UBE2V2: variants seen among roughly 807,000 people sequenced by gnomAD.
The protein encoded by UBE2V2 is ubiquitin-conjugating enzyme E2 variant 2.
In UBE2V2, 9 loss-of-function variants were observed where a neutral mutation model predicts 17.2. The ratio of observed to expected loss-of-function variants is 0.52; its 90% confidence interval spans 0.32 to 0.91. UBE2V2 has a LOEUF of 0.91. Ranked by LOEUF, UBE2V2 falls within the 40% of genes least tolerant of loss-of-function variation. UBE2V2 has a pLI of 0.04. For synonymous variants in UBE2V2, 61 were observed against 57.5 expected (o/e 1.06, Z -0.28); for missense variants, 133 against 182.6 (o/e 0.73, Z 1.56).
At chr8:47,997,604 G>T in the UBE2V2 span, among the ~76,000 whole-genome samples, 3 of 152,098 alleles carry the variant, frequency 2.0e-5, no homozygotes, top group Non-Finnish European at 2.9e-5. Flanking sequence ...GTGTCGGGAT[G>T]GGAGGACAAG....
the UBE2V2 span, among the ~76,000 whole-genome samples, chr8:48,000,803 C>A: frequency 8.4e-5 from 9 of 107,638 alleles, no homozygotes; most frequent in African/African-American, 3.4e-4. Flanking sequence ...GCCTGGGCAA[C>A]AGAGGGAGAC....
In UBE2V2 at chr8:48,064,335, C is replaced by G. The variant is rs555878267; in HGVS notation, c.*3507C>G. ...GCTTTTAATTATTGTCACACACACA[C>G]AAAATTCAACTCCTCAAGGTTTGGG... is the stretch of plus-strand genomic sequence containing the variant. On this transcript the variant is annotated 3_prime_UTR_variant, in exon 4 of 4. Coordinates refer to ENST00000523111, the MANE Select transcript of UBE2V2 (RefSeq NM_003350.3). The G allele has an allele frequency of 1.3e-5, 2 of 152,180 alleles. No homozygotes were observed. The highest frequency in any genetic ancestry group is 4.1e-4 in the South Asian group (2 of 4,820). The allele number at this position is 152,180 out of a possible 1,614,324, so 9.4% of individuals were successfully genotyped here.
chr8:48,023,326 C>T (rs980974156), intron 1 of UBE2V2, among the ~76,000 whole-genome samples: 1 of 151,868 alleles, frequency 6.6e-6, no homozygotes, highest in Admixed American at 6.6e-5. Context: ...AGTGATTCTC[C>T]TGCCTCAGCC....
intron 3 of UBE2V2, among the ~76,000 whole-genome samples, chr8:48,057,508 G>C (rs2091580970): frequency 6.6e-6 from 1 of 152,048 alleles, no homozygotes; most frequent in African/African-American, 2.4e-5. Context: ...TTGCCATGTT[G>C]GCCAGGCTGG....
At chr8:48,047,952 ATTTT>A (rs1389488654) in intron 2 of UBE2V2, among the ~76,000 whole-genome samples, 1 of 148,472 alleles carries the variant, frequency 6.7e-6, no homozygotes, top group African/African-American at 2.5e-5. Flanking sequence ...TTGGGATTAA[ATTTT>A]TTTTTGTTTA....
At position 48,035,209 on chromosome 8, in the gene UBE2V2, G is replaced by A. The variant is rs1028941596; in HGVS notation, c.17-7824G>A. ...CAGCTCACTGCTACTTCTGCCTCCC[G>A]GGTTCAAGCAATTCTCATGTCTCAG... On this transcript the variant is annotated intron_variant, in intron 1 of 3. Transcript: ENST00000523111. 5.8e-6 allele frequency: 5 copies of A among 860,802 alleles called. No homozygotes were observed. In the Admixed American group the frequency reaches 2.0e-4, roughly 34 times the overall value. The allele number at this position is 860,802 out of a possible 1,614,324, so 53.3% of individuals were successfully genotyped here.
At chr8:48,040,058 T>C (rs2091451294) in intron 1 of UBE2V2, among the ~76,000 whole-genome samples, 1 of 149,130 alleles carries the variant, frequency 6.7e-6, no homozygotes, top group Non-Finnish European at 1.5e-5. Flanking sequence ...TTTTTTTTTC[T>C]TTTGAAATAA....
intron 1 of UBE2V2, among the ~76,000 whole-genome samples, chr8:48,029,314 G>A (rs1171432347): frequency 6.6e-6 from 1 of 152,172 alleles, no homozygotes; most frequent in Non-Finnish European, 1.5e-5. Flanking sequence ...GGGCAACAGA[G>A]TAAGACCCTG....
intron 1 of UBE2V2, among the ~76,000 whole-genome samples, chr8:48,030,797 G>A (rs547967147): frequency 6.6e-5 from 10 of 152,110 alleles, no homozygotes; most frequent in South Asian, 4.2e-4. Context: ...TGAGGTGGGC[G>A]GATCACTTGA....
the UBE2V2 span, among the ~76,000 whole-genome samples, chr8:48,002,166 G>A: frequency 1.3e-5 from 2 of 152,016 alleles, no homozygotes; most frequent in African/African-American, 4.8e-5. Flanking sequence ...ATTAATTAAA[G>A]GTCGTACCTC....
At chr8:48,004,524 T>G (rs1219283853), upstream of UBE2V2, among the ~76,000 whole-genome samples, 1 of 149,830 alleles carries the variant, frequency 6.7e-6, no homozygotes, top group African/African-American at 2.5e-5. Flanking sequence ...TTTTTTTTTT[T>G]GTTTTGTTTT....
At chr8:48,043,270 TATG>T (rs1244011081) in intron 2 of UBE2V2, 89 bp downstream of exon 2, 5 of 1,022,254 alleles carry the variant, frequency 4.9e-6, no homozygotes, top group Non-Finnish European at 5.2e-6. Flanking sequence ...AATAAGCAAT[TATG>T]ATAACTTCTA....
intron 1 of UBE2V2, among the ~76,000 whole-genome samples, chr8:48,035,724 C>G (rs571300731): frequency 0.046 from 7 of 152 alleles, no homozygotes; most frequent in South Asian, 0.38. Context: ...AAGTGATTCT[C>G]CTGCCTCAGC....
At chr8:48,025,199 A>G (rs2091332719) in intron 1 of UBE2V2, among the ~76,000 whole-genome samples, 1 of 151,770 alleles carries the variant, frequency 6.6e-6, no homozygotes, top group Non-Finnish European at 1.5e-5. Context: ...GGCCTCCCAA[A>G]GTGCTGGGAT....
At position 48,008,478 on chromosome 8, in the gene UBE2V2, C is replaced by A. The variant is rs775911627; in HGVS notation, c.16+8C>A. 3.8e-6 allele frequency: 6 copies of A among 1,567,696 alleles called. No individual in the cohort carries two copies. Among genetic ancestry groups the A allele is most frequent in the Admixed American group, 1.8e-5 (1 of 54,282 alleles). Reference sequence around the variant, plus strand: ...AGATGGCGGTCTCCACAGGTCGGTTCCCGGGCCGGGCTGCGTGATTTTCCG... The same window carrying A: ...AGATGGCGGTCTCCACAGGTCGGTTACCGGGCCGGGCTGCGTGATTTTCCG... On this transcript the variant is annotated splice_region_variant and intron_variant, in intron 1 of 3. Transcript: ENST00000523111.
upstream of UBE2V2, among the ~76,000 whole-genome samples, chr8:48,007,168 C>T (rs191676688): frequency 2.5e-3 from 381 of 151,972 alleles, 1 homozygote; most frequent in African/African-American, 8.8e-3. Flanking sequence ...GATCCATGCC[C>T]GGCCAAAAGC....
rs556072239 is a variant in UBE2V2 at position 48,029,972 on chromosome 8, A to T, written c.17-13061A>T. 3.9e-5 allele frequency among the ~76,000 whole-genome samples: 6 copies of T among 152,340 alleles called. No homozygotes were observed. In the East Asian group the frequency reaches 1.2e-3, roughly 29 times the overall value. ...CTAATTTTACTTAGAAATTAAAACT[A>T]GAGAGGAACCAGAATATATTAGCTT... On this transcript the variant is annotated intron_variant, in intron 1 of 3. Coordinates refer to ENST00000523111, the MANE Select transcript of UBE2V2 (RefSeq NM_003350.3).
the UBE2V2 span, among the ~76,000 whole-genome samples, chr8:48,000,668 A>C: frequency 9.9e-5 from 15 of 151,966 alleles, no homozygotes; most frequent in African/African-American, 2.9e-4. Flanking sequence ...AAAAATACAA[A>C]AAAATTAGCT....
chr8:48,009,716 A>G (rs907785226), intron 1 of UBE2V2, among the ~76,000 whole-genome samples: 1 of 152,244 alleles, frequency 6.6e-6, no homozygotes, highest in Non-Finnish European at 1.5e-5. Context: ...GTTGCTTTAG[A>G]GTAATACCTC....
Sources: allele counts gnomAD v4.1 joint callset (sites outside exome capture counted in the v4.1 genomes callset), GRCh38; gene constraint gnomAD v4.1.1; transcripts MANE v1.5; gene names NCBI Gene and HGNC (gene_info 2026-07-23, HGNC 2026-07-21).